The following UBE2E2 variants were observed in gnomAD, a reference collection of about 807,000 sequenced individuals.
UBE2E2 encodes ubiquitin-conjugating enzyme E2 E2.
Under a neutral mutation model 24.7 loss-of-function variants are expected in UBE2E2, and 6 were observed. The ratio of observed to expected loss-of-function variants is 0.24; its 90% CI spans 0.13 to 0.48. The LOEUF (loss-of-function observed/expected upper bound fraction) is 0.48. UBE2E2 is among the 20% of genes least tolerant of loss of function. The pLI, the probability that UBE2E2 is intolerant of heterozygous loss-of-function variation, is 0.99. For missense variants in UBE2E2, 169 were observed against 245.0 expected (o/e 0.69, Z 2.07); for synonymous variants, 104 against 83.6 (o/e 1.24, Z -1.33).
At chr3:23,447,332 C>T (rs1001516247) in intron 3 of UBE2E2, among the ~76,000 whole-genome samples, 3 of 152,180 alleles carry the variant, frequency 2.0e-5, no homozygotes, top group Non-Finnish European at 2.9e-5. Flanking sequence ...GTCCCAACAT[C>T]AGGAGCCCTG....
At chr3:23,585,428 A>G (rs6782079) in intron 5 of UBE2E2, among the ~76,000 whole-genome samples, 47,818 of 150,674 alleles carry the variant, frequency 0.32, 8,430 homozygotes, top group East Asian at 0.49. Flanking sequence ...AATGTGATTT[A>G]GAGGAAAGCT....
At chr3:23,258,071 T>C (rs543895668) in intron 3 of UBE2E2, among the ~76,000 whole-genome samples, 1 of 152,290 alleles carries the variant, frequency 6.6e-6, no homozygotes, top group Admixed American at 6.5e-5. Context: ...ATAATTATAC[T>C]AATAATGGTG....
intron 3 of UBE2E2, among the ~76,000 whole-genome samples, chr3:23,298,456 C>A (rs200961484): frequency 6.6e-6 from 1 of 152,072 alleles, no homozygotes; most frequent in African/African-American, 2.4e-5. Flanking sequence ...TTTTGAGATA[C>A]GTCCCATCAA....
At chr3:23,404,496 G>C (rs1408395402) in intron 3 of UBE2E2, among the ~76,000 whole-genome samples, 1 of 152,054 alleles carries the variant, frequency 6.6e-6, no homozygotes. Context: ...TAGAAATTGA[G>C]AGCTCTGAGT....
intron 3 of UBE2E2, among the ~76,000 whole-genome samples, chr3:23,292,027 T>G (rs536462351): frequency 1.1e-4 from 16 of 151,904 alleles, no homozygotes; most frequent in Admixed American, 9.9e-4. Context: ...CCCGGCTAAT[T>G]TTTTGTATTT....
intron 5 of UBE2E2, among the ~76,000 whole-genome samples, chr3:23,547,691 A>G (rs1399092590): frequency 6.6e-6 from 1 of 152,212 alleles, no homozygotes; most frequent in East Asian, 1.9e-4. Flanking sequence ...GAGGATGTTG[A>G]TTGCTCACCC....
At chr3:23,568,055 G>A (rs1168624086) in intron 5 of UBE2E2, among the ~76,000 whole-genome samples, 4 of 152,198 alleles carry the variant, frequency 2.6e-5, no homozygotes, top group Non-Finnish European at 5.9e-5. Flanking sequence ...CCTCAGCACA[G>A]ACAGCACCCA....
At chr3:23,228,753 A>G (rs939706400) in intron 3 of UBE2E2, among the ~76,000 whole-genome samples, 1 of 152,202 alleles carries the variant, frequency 6.6e-6, no homozygotes, top group Non-Finnish European at 1.5e-5. Context: ...CTTTAAGGGT[A>G]TATCTCAATC....
At chr3:23,418,095 C>A (rs1466503051) in intron 3 of UBE2E2, among the ~76,000 whole-genome samples, 1 of 152,110 alleles carries the variant, frequency 6.6e-6, no homozygotes, top group Admixed American at 6.5e-5. Flanking sequence ...TTGCAGGCAC[C>A]ACTGGGGTAT....
intron 5 of UBE2E2, among the ~76,000 whole-genome samples, chr3:23,553,311 C>T (rs1695694111): frequency 7.0e-6 from 1 of 142,806 alleles, no homozygotes. Context: ...TTTATGACCT[C>T]TAAAAAAAAA....
At chr3:23,222,028 G>T (rs2125325339) in intron 3 of UBE2E2, among the ~76,000 whole-genome samples, 1 of 151,396 alleles carries the variant, frequency 6.6e-6, no homozygotes, top group East Asian at 1.9e-4. Flanking sequence ...CTGGCCTCTG[G>T]TAACTACCAG....
intron 3 of UBE2E2, among the ~76,000 whole-genome samples, chr3:23,270,139 C>G (rs2125361895): frequency 7.5e-6 from 1 of 132,456 alleles, no homozygotes; most frequent in South Asian, 2.5e-4. Context: ...AGACTCTTTC[C>G]ACCCCCCTCC....
At chr3:23,222,189 A>G (rs973750616) in intron 3 of UBE2E2, among the ~76,000 whole-genome samples, 10 of 151,922 alleles carry the variant, frequency 6.6e-5, no homozygotes, top group African/African-American at 2.4e-4. Flanking sequence ...ATTCTTTTTT[A>G]TGGTTGAATT....
At chr3:23,460,079 T>C (rs1698775327) in intron 3 of UBE2E2, among the ~76,000 whole-genome samples, 1 of 152,212 alleles carries the variant, frequency 6.6e-6, no homozygotes, top group Non-Finnish European at 1.5e-5. Flanking sequence ...TACATGGCAG[T>C]GCTGGGCAGC....
intron 3 of UBE2E2, among the ~76,000 whole-genome samples, chr3:23,237,672 T>C (rs939217515): frequency 1.3e-5 from 2 of 152,164 alleles, no homozygotes; most frequent in African/African-American, 2.4e-5. Context: ...ATCTTTAATT[T>C]TTTTACATTA....
At chr3:23,324,136 A>G (rs1694823128) in intron 3 of UBE2E2, among the ~76,000 whole-genome samples, 1 of 152,088 alleles carries the variant, frequency 6.6e-6, no homozygotes, top group African/African-American at 2.4e-5. Context: ...TTTGCTGCAT[A>G]AATATTCTGA....
At chr3:23,437,530 A>G (rs1160441217) in intron 3 of UBE2E2, among the ~76,000 whole-genome samples, 1 of 152,234 alleles carries the variant, frequency 6.6e-6, no homozygotes, top group African/African-American at 2.4e-5. Context: ...AGCAAATGCA[A>G]TCAGTTTCTG....
chr3:23,330,371 C>T (rs917284294), intron 3 of UBE2E2, among the ~76,000 whole-genome samples: 6 of 152,086 alleles, frequency 3.9e-5, no homozygotes, highest in African/African-American at 1.4e-4. Context: ...TGGAAGTAAA[C>T]ATTGAAAAAT....
rs58612058 is a variant in UBE2E2, at chr3:23,578,009, G to GAA, written c.509-11709_509-11708dup. 3.3e-3 allele frequency among the ~76,000 whole-genome samples: 336 copies of GAA among 103,200 alleles called. 4 individuals carry two copies. In the East Asian group the frequency reaches 0.037, roughly 11 times the overall value. The allele number at this position is 103,200 out of a possible 152,430, so 67.7% of individuals were successfully genotyped here. On this transcript the variant is annotated intron_variant, in intron 5 of 5. Transcript: ENST00000396703. ...GCCCACGGTTGAGACCTACCTCTCA[G>GAA]AAAAAAAAAAAAAAAAAGATTCTTT...
Sources: allele counts gnomAD v4.1 joint callset (sites outside exome capture counted in the v4.1 genomes callset), GRCh38; gene constraint gnomAD v4.1.1; transcripts MANE v1.5; gene names NCBI Gene and HGNC (gene_info 2026-07-23, HGNC 2026-07-21).